GRID2: variants seen among roughly 807,000 people sequenced by gnomAD.
GRID2 encodes the protein glutamate ionotropic receptor delta type subunit 2.
Under a neutral mutation model 114.8 loss-of-function variants are expected in GRID2, and 33 were observed. That is an observed-to-expected ratio of 0.29 (90% CI 0.22 to 0.38). GRID2 has a LOEUF of 0.38. GRID2 is among the 10% of genes least tolerant of loss of function. The pLI is 1.00. For synonymous variants in GRID2, 505 were observed against 449.9 expected, an observed-to-expected ratio of 1.12 and a Z score of -1.55; for missense variants, 1,184 against 1,257.7, an observed-to-expected ratio of 0.94 and a Z score of 0.89.
intron 2 of GRID2, among the ~76,000 whole-genome samples, chr4:92,596,402 G>GTT (rs1306234201): frequency 6.6e-6 from 1 of 152,032 alleles, no homozygotes; most frequent in Non-Finnish European, 1.5e-5. Flanking sequence ...AAATCGTGTT[G>GTT]TTGAACAGCC....
intron 4 of GRID2, chr4:93,203,966 C>T (rs996716467): frequency 1.3e-5 from 2 of 152,004 alleles, no homozygotes; most frequent in African/African-American, 4.8e-5. Flanking sequence ...CTTGTAATAC[C>T]CTGCAGTGGA....
intron 1 of GRID2, among the ~76,000 whole-genome samples, chr4:92,382,136 A>G (rs1729648633): frequency 6.6e-6 from 1 of 151,946 alleles, no homozygotes; most frequent in Non-Finnish European, 1.5e-5. Context: ...GATATTAAAG[A>G]TTTGAAATTT....
intron 1 of GRID2, among the ~76,000 whole-genome samples, chr4:92,321,401 G>A (rs938288969): frequency 2.0e-5 from 3 of 152,190 alleles, no homozygotes; most frequent in Non-Finnish European, 4.4e-5. Flanking sequence ...ACTGAGAAGT[G>A]GGATAGAGTG....
intron 1 of GRID2, among the ~76,000 whole-genome samples, chr4:92,375,677 T>C (rs1377393050): frequency 1.3e-5 from 2 of 151,380 alleles, no homozygotes; most frequent in Non-Finnish European, 3.0e-5. Flanking sequence ...ATGTTGGAAA[T>C]ATCACAAATT....
intron 14 of GRID2, among the ~76,000 whole-genome samples, chr4:93,723,513 T>C (rs1191710839): frequency 6.6e-6 from 1 of 152,236 alleles, no homozygotes; most frequent in Non-Finnish European, 1.5e-5. Context: ...CTGACCATAG[T>C]GACCATATAC....
intron 13 of GRID2, among the ~76,000 whole-genome samples, chr4:93,597,037 A>G (rs1739180604): frequency 1.3e-5 from 2 of 152,234 alleles, no homozygotes; most frequent in South Asian, 4.1e-4. Context: ...AATTATCAGT[A>G]GACAGTGAAC....
intron 1 of GRID2, among the ~76,000 whole-genome samples, chr4:92,375,301 G>A (rs1729301844): frequency 6.6e-6 from 1 of 152,088 alleles, no homozygotes; most frequent in Non-Finnish European, 1.5e-5. Context: ...ACAAACGTTT[G>A]TACAAATTTG....
intron 4 of GRID2, among the ~76,000 whole-genome samples, chr4:93,202,209 G>C (rs1206828878): frequency 6.6e-6 from 1 of 151,864 alleles, no homozygotes; most frequent in East Asian, 1.9e-4. Flanking sequence ...ATTGGATAGT[G>C]GTTTTTTAAA....
intron 2 of GRID2, among the ~76,000 whole-genome samples, chr4:92,973,093 G>C (rs998942937): frequency 4.0e-4 from 61 of 152,226 alleles, no homozygotes; most frequent in African/African-American, 1.4e-3. Context: ...CTTTATAATA[G>C]AATGATTTAT....
intron 1 of GRID2, among the ~76,000 whole-genome samples, chr4:93,793,185 G>A (rs1383655124): frequency 6.6e-6 from 1 of 152,126 alleles, no homozygotes; most frequent in Non-Finnish European, 1.5e-5. Context: ...ATGGATGACT[G>A]TTTCAGACCA....
At chr4:93,039,491 C>T (rs932102850) in intron 2 of GRID2, among the ~76,000 whole-genome samples, 1 of 151,882 alleles carries the variant, frequency 6.6e-6, no homozygotes, top group African/African-American at 2.4e-5. Flanking sequence ...TATATACATA[C>T]ATACGTATAT....
intron 2 of GRID2, among the ~76,000 whole-genome samples, chr4:92,792,029 G>C (rs1739614041): frequency 2.6e-5 from 4 of 151,796 alleles, no homozygotes; most frequent in Admixed American, 6.6e-5. Context: ...TCTGCCAATA[G>C]TTTTGTCCTC....
At chr4:93,073,577 T>C (rs1420775343) in intron 2 of GRID2, among the ~76,000 whole-genome samples, 5 of 152,146 alleles carry the variant, frequency 3.3e-5, no homozygotes, top group Admixed American at 1.3e-4. Flanking sequence ...TTCTAAACTC[T>C]GCATTGTTCA....
chr4:93,545,476 A>C (rs898056644), intron 13 of GRID2, among the ~76,000 whole-genome samples: 1 of 152,210 alleles, frequency 6.6e-6, no homozygotes, highest in Non-Finnish European at 1.5e-5. Flanking sequence ...TAATATGAGT[A>C]GGTAATGGCA....
intron 2 of GRID2, among the ~76,000 whole-genome samples, chr4:92,696,201 C>A (rs1205913857): frequency 6.6e-6 from 1 of 152,046 alleles, no homozygotes; most frequent in East Asian, 1.9e-4. Context: ...GATAAGGACA[C>A]CAGATACTGC....
At chr4:93,607,108 C>T (rs1054014170) in intron 13 of GRID2, among the ~76,000 whole-genome samples, 12 of 151,926 alleles carry the variant, frequency 7.9e-5, no homozygotes, top group African/African-American at 2.9e-4. Context: ...TACTGTTCTG[C>T]TTGGCTTTTC....
At chr4:93,166,900 G>T (rs1738302213) in intron 4 of GRID2, among the ~76,000 whole-genome samples, 1 of 152,088 alleles carries the variant, frequency 6.6e-6, no homozygotes, top group Non-Finnish European at 1.5e-5. Context: ...ATATGATTTG[G>T]GCTCCACTAA....
chr4:93,412,850 G>T (rs535713676), intron 9 of GRID2, among the ~76,000 whole-genome samples: 1 of 152,128 alleles, frequency 6.6e-6, no homozygotes, highest in African/African-American at 2.4e-5. Flanking sequence ...TGAAGTGTTT[G>T]GTTGTCTGTT....
At chr4:92,850,512 A>G (rs868362088) in intron 2 of GRID2, among the ~76,000 whole-genome samples, 2 of 151,944 alleles carry the variant, frequency 1.3e-5, no homozygotes, top group Non-Finnish European at 2.9e-5. Flanking sequence ...GTGTTCATAC[A>G]TAAACTTAGA....
Sources: allele counts gnomAD v4.1 joint callset (sites outside exome capture counted in the v4.1 genomes callset), GRCh38; gene constraint gnomAD v4.1.1; transcripts MANE v1.5; gene names NCBI Gene and HGNC (gene_info 2026-07-23, HGNC 2026-07-21).